Variants in FBXO38 observed in about 807,000 individuals in gnomAD.
FBXO38 encodes F-box protein 38, also known as F-box only protein 38.
In FBXO38, 53 loss-of-function variants were observed where a neutral mutation model predicts 131.9. That is an observed-to-expected ratio of 0.40 (90% CI 0.32 to 0.51). The LOEUF is 0.51. FBXO38 is among the 20% of genes least tolerant of loss of function. The pLI is 0.53. For missense variants in FBXO38, 1,076 were observed against 1,475.6 expected (o/e 0.73, Z 4.44); for synonymous variants, 452 against 505.6 (o/e 0.89, Z 1.42).
chr5:148,437,827 A>G (rs1028015490), intron 17 of FBXO38, among the ~76,000 whole-genome samples: 3 of 152,060 alleles, frequency 2.0e-5, no homozygotes, highest in Non-Finnish European at 4.4e-5. Flanking sequence ...TATTATGGTA[A>G]CCACTAACCA....
intron 7 of FBXO38, 91 bp downstream of exon 7, chr5:148,406,485 A>G: frequency 1.8e-6 from 2 of 1,084,556 alleles, no homozygotes; most frequent in Non-Finnish European, 2.5e-6. Context: ...CAAGTCTTTA[A>G]AAAGAAAATG....
chr5:148,394,934 C>T, intron 2 of FBXO38, 30 bp downstream of exon 2: 1 of 1,540,806 alleles, frequency 6.5e-7, no homozygotes, highest in Middle Eastern at 1.7e-4. Flanking sequence ...GCTTACCTGC[C>T]TGGAATGGAT....
intron 12 of FBXO38, among the ~76,000 whole-genome samples, chr5:148,418,392 A>G (rs1753190811): frequency 6.6e-6 from 1 of 152,194 alleles, no homozygotes; most frequent in Non-Finnish European, 1.5e-5. Flanking sequence ...TATTAAATCC[A>G]AATCTTTGTT....
At chr5:148,420,753 G>A (rs1753367802) in intron 12 of FBXO38, among the ~76,000 whole-genome samples, 1 of 152,102 alleles carries the variant, frequency 6.6e-6, no homozygotes, top group Admixed American at 6.6e-5. Context: ...TCACCTGGAG[G>A]AATCAGCACA....
At chr5:148,389,556 G>A (rs142697728) in intron 1 of FBXO38, among the ~76,000 whole-genome samples, 68 of 152,028 alleles carry the variant, frequency 4.5e-4, no homozygotes, top group Admixed American at 1.2e-3. Flanking sequence ...TGCTTTGTAC[G>A]TTCTCTGCAT....
intron 1 of FBXO38, among the ~76,000 whole-genome samples, chr5:148,390,760 G>A (rs770188359): frequency 1.3e-4 from 20 of 151,958 alleles, no homozygotes; most frequent in Non-Finnish European, 2.2e-4. Flanking sequence ...AAAAATTTAC[G>A]TATAGTTTGT....
chr5:148,404,458 T>C (rs1426701508), intron 5 of FBXO38, among the ~76,000 whole-genome samples: 1 of 152,184 alleles, frequency 6.6e-6, no homozygotes, highest in Non-Finnish European at 1.5e-5. Flanking sequence ...TATCTTCCCA[T>C]TGGCCTTTCC....
intron 10 of FBXO38, among the ~76,000 whole-genome samples, chr5:148,415,152 A>G (rs982322983): frequency 6.6e-6 from 1 of 152,214 alleles, no homozygotes; most frequent in Non-Finnish European, 1.5e-5. Flanking sequence ...GTTATTGGGA[A>G]ATATGAACTT....
rs966952897 is a variant in FBXO38 at position 148,427,589 on chromosome 5, G to A, written c.2295G>A (p.Glu765=). 8.7e-6 allele frequency: 14 copies of A among 1,614,218 alleles called. No individual in the cohort carries two copies. The highest frequency in any genetic ancestry group is 1.2e-5 in the Non-Finnish European group (14 of 1,180,050). ...GGSEDSEAME[E]GDAESSVCPR... is the part of the protein sequence containing the mutation. ...CAGAGGACTCTGAGGCCATGGAGGA[G>A]GGAGATGCAGAGAGTTCTGTCTGCC... The change falls in exon 15 of 22, where the codon GAG becomes GAA. Residue 765 remains glutamate (E), a synonymous_variant. Transcript: ENST00000340253.
At chr5:148,400,713 A>C (rs762118152) in intron 3 of FBXO38, among the ~76,000 whole-genome samples, 1 of 152,112 alleles carries the variant, frequency 6.6e-6, no homozygotes, top group Non-Finnish European at 1.5e-5. Context: ...AGAAGATAGA[A>C]CTTTCCCCAT....
At chr5:148,436,212 A>G (rs1250702018) in intron 17 of FBXO38, among the ~76,000 whole-genome samples, 7 of 152,178 alleles carry the variant, frequency 4.6e-5, no homozygotes, top group South Asian at 4.1e-4. Flanking sequence ...GCGAAGCACA[A>G]TAAAGTGCAA....
intron 21 of FBXO38, 46 bp downstream of exon 21, chr5:148,441,283 C>A (rs754345706): frequency 7.5e-7 from 1 of 1,339,080 alleles, no homozygotes; most frequent in Admixed American, 1.7e-5. Flanking sequence ...TTAAGTATAG[C>A]CTACTGTGTT....
chr5:148,410,688 C>A lies in FBXO38; in HGVS notation c.1016C>A (p.Ala339Asp), dbSNP rs1472942515. Residue 339 changes from alanine to aspartate, a missense_variant, in exon 9 of 22, where the codon GCC (alanine) becomes GAC (aspartate). This residue lies in a region of FBXO38 where 146 missense variants were observed against 274.3 expected (regional missense o/e 0.53). Coordinates refer to ENST00000340253, the MANE Select transcript of FBXO38 (RefSeq NM_205836.3). ...PSLTKDGVFS[A>D]LKMAELEFPQ... is the part of the protein sequence containing the mutation. ...CTAACCAAAGATGGTGTCTTTTCTG[C>A]CCTAAAGATGGCAGAGTTGGAGTTT... The A allele has an allele frequency of 6.2e-7, 1 of 1,613,978 alleles. No individual in the cohort carries two copies. Among genetic ancestry groups the A allele is most frequent in the South Asian group, 1.1e-5 (1 of 91,080 alleles).
intron 12 of FBXO38, among the ~76,000 whole-genome samples, chr5:148,423,289 C>T (rs540375851): frequency 6.6e-6 from 1 of 152,228 alleles, no homozygotes; most frequent in South Asian, 2.1e-4. Context: ...AGGTTAAATC[C>T]TAGCAAACTG....
At chr5:148,398,302 AACAG>A (rs1331694858) in intron 2 of FBXO38, among the ~76,000 whole-genome samples, 1 of 152,164 alleles carries the variant, frequency 6.6e-6, no homozygotes, top group Non-Finnish European at 1.5e-5. Flanking sequence ...CAGAATATAT[AACAG>A]AACAAAAGTC....
At position 148,386,321 on chromosome 5, in the gene FBXO38, A is replaced by G. The variant is rs117220945; in HGVS notation, c.-64+2282A>G. Among the ~76,000 whole-genome samples the G allele has an allele frequency of 3.3e-4, 51 of 152,252 alleles. No homozygotes were observed. The East Asian group carries it at 9.9e-3, about 29-fold the overall frequency. On this transcript the variant is annotated intron_variant, in intron 1 of 21. Transcript: ENST00000340253. ...CCTGGGAAGTCTGTATCCCAGCCTGAACCTTGACACTATTTAATCTTGGGC... is the reference window on the plus strand; with the variant it reads ...CCTGGGAAGTCTGTATCCCAGCCTGGACCTTGACACTATTTAATCTTGGGC...
chr5:148,426,155 C>A (rs1753703519), intron 14 of FBXO38, among the ~76,000 whole-genome samples: 1 of 152,188 alleles, frequency 6.6e-6, no homozygotes, highest in Non-Finnish European at 1.5e-5. Flanking sequence ...CCCTTTAAAT[C>A]TAGGCAACAA....
chr5:148,423,890 C>CT (rs1753573562), intron 12 of FBXO38, 108 bp from the exon 13 acceptor site: 2 of 924,856 alleles, frequency 2.2e-6, no homozygotes, highest in African/African-American at 3.4e-5. Flanking sequence ...CAGGGCAGGC[C>CT]TAGTAATCAG....
At chr5:148,433,092 T>C in intron 15 of FBXO38, 1 of 206,112 alleles carries the variant, frequency 4.9e-6, no homozygotes, top group Non-Finnish European at 9.9e-6. Flanking sequence ...ATTTAAAAGT[T>C]TTTTAGTAGG....
Sources: gnomAD v4.1 joint callset for allele counts (sites outside exome capture counted in the v4.1 genomes callset) on GRCh38, gnomAD v4.1.1 for gene constraint, gnomAD v4.1.1 regional missense constraint, MANE v1.5 for transcripts, NCBI Gene and HGNC (gene_info 2026-07-23, HGNC 2026-07-21) for gene names.